NUP210L: variants seen among roughly 807,000 people sequenced by gnomAD.
NUP210L encodes nuclear pore membrane glycoprotein 210-like.
In NUP210L, 74 loss-of-function variants were observed where a neutral mutation model predicts 208.5. That is an observed-to-expected ratio of 0.35 (90% confidence interval 0.29 to 0.43). The LOEUF (loss-of-function observed/expected upper bound fraction) is 0.43, where lower values mean the gene tolerates loss of function less well. Among genes scored for constraint, NUP210L ranks in the 20% least tolerant of loss-of-function variants. The probability of loss-of-function intolerance (pLI) is 1.00; values close to 1 mark genes in which losing one functional copy is unlikely to be tolerated. For missense variants in NUP210L, 1,843 were observed against 2,289.4 expected (o/e 0.81, Z 3.98); for synonymous variants, 780 against 816.9 (o/e 0.95, Z 0.77).
intron 8 of NUP210L, among the ~76,000 whole-genome samples, chr1:154,128,852 A>C (rs980287823): frequency 1.3e-5 from 2 of 152,208 alleles, no homozygotes; most frequent in South Asian, 2.1e-4. Flanking sequence ...GTCTCAAACA[A>C]AAACAAAAAC....
intron 14 of NUP210L, among the ~76,000 whole-genome samples, chr1:154,098,435 A>G (rs915986282): frequency 6.6e-6 from 1 of 152,184 alleles, no homozygotes; most frequent in Non-Finnish European, 1.5e-5. Flanking sequence ...ATCCAGGAAG[A>G]ATAAGATATG....
At position 154,058,872 on chromosome 1, in the gene NUP210L, C is replaced by T. The variant is rs1654004175; in HGVS notation, c.2851-179G>A. Among the ~76,000 whole-genome samples, 5 of 152,186 alleles carry T rather than the reference C, an allele frequency of 3.3e-5. No homozygotes were observed. In the South Asian group the frequency reaches 1.0e-3, roughly 31 times the overall value. On this transcript the variant is annotated intron_variant, in intron 20 of 39. Transcript: ENST00000368559. ...AATATGTACACTTAATGTGATGTTT[C>T]CGATTATGGCAAAATCTGTACTTTA...
chr1:154,072,584 G>A (rs1654807629), intron 16 of NUP210L, among the ~76,000 whole-genome samples: 1 of 151,968 alleles, frequency 6.6e-6, no homozygotes, highest in Non-Finnish European at 1.5e-5. Context: ...CGCCCGCCTT[G>A]ACCTCCCAAA....
intron 12 of NUP210L, among the ~76,000 whole-genome samples, chr1:154,117,035 T>C (rs1657365644): frequency 6.6e-6 from 1 of 152,212 alleles, no homozygotes; most frequent in Non-Finnish European, 1.5e-5. Flanking sequence ...TAGAGCACTG[T>C]AACAAATGCT....
intron 23 of NUP210L, among the ~76,000 whole-genome samples, chr1:154,056,437 C>CAG (rs1385068682): frequency 1.3e-5 from 2 of 151,930 alleles, no homozygotes; most frequent in Non-Finnish European, 2.9e-5. Context: ...TTTCTTGAGA[C>CAG]AGGGTCTCTC....
intron 16 of NUP210L, among the ~76,000 whole-genome samples, chr1:154,073,594 C>A (rs565873356): frequency 6.6e-6 from 1 of 151,852 alleles, no homozygotes; most frequent in Non-Finnish European, 1.5e-5. Flanking sequence ...GCGAGCAGAT[C>A]ACTTGAGGTC....
intron 8 of NUP210L, 131 bp from the exon 9 acceptor site, chr1:154,127,548 A>T: frequency 5.6e-5 from 18 of 321,044 alleles, no homozygotes; most frequent in Non-Finnish European, 6.5e-5. Flanking sequence ...TTTCCAAAGT[A>T]GGTTCTTTTT....
At position 154,111,543 on chromosome 1, in the gene NUP210L, T is replaced by C. The variant is rs756465451; in HGVS notation, c.1620+6182A>G. Among the ~76,000 whole-genome samples the C allele has an allele frequency of 8.2e-4, 125 of 151,524 alleles. 4 individuals are homozygous for C. Among genetic ancestry groups the C allele is most frequent in the African/African-American group, 2.8e-3 (116 of 40,936 alleles). On this transcript the variant is annotated intron_variant, in intron 12 of 39. Transcript: ENST00000368559. ...AATAAATTGGAAAACCTACAAGAAA[T>C]GGATAAATTCCTAGACATATACAAC...
intron 25 of NUP210L, among the ~76,000 whole-genome samples, chr1:154,047,906 G>A (rs888060776): frequency 6.6e-6 from 1 of 152,066 alleles, no homozygotes; most frequent in African/African-American, 2.4e-5. Flanking sequence ...TTGGAGCGAC[G>A]GTTGGAGAAT....
At chr1:154,131,727 A>T (rs1658262877) in intron 7 of NUP210L, among the ~76,000 whole-genome samples, 1 of 152,170 alleles carries the variant, frequency 6.6e-6, no homozygotes. Flanking sequence ...CCTGTTGAAC[A>T]GTTTTCTCCT....
At chr1:154,118,488 G>C (rs1657445350) in intron 11 of NUP210L, among the ~76,000 whole-genome samples, 183 bp downstream of exon 11, 1 of 152,152 alleles carries the variant, frequency 6.6e-6, no homozygotes, top group South Asian at 2.1e-4. Flanking sequence ...GAGACAGAAA[G>C]CATCTGTAAC....
intron 35 of NUP210L, among the ~76,000 whole-genome samples, chr1:154,002,888 G>C (rs1650299679): frequency 6.6e-6 from 1 of 152,076 alleles, no homozygotes; most frequent in South Asian, 2.1e-4. Flanking sequence ...AAGGGTTTGT[G>C]AAAGACAGAC....
intron 33 of NUP210L, among the ~76,000 whole-genome samples, chr1:154,015,603 C>A (rs1224141614): frequency 6.6e-6 from 1 of 151,876 alleles, no homozygotes; most frequent in Non-Finnish European, 1.5e-5. Flanking sequence ...GCCTGTAATC[C>A]CAGCTACATG....
At chr1:154,096,800 G>A (rs1055287386) in intron 14 of NUP210L, among the ~76,000 whole-genome samples, 10 of 151,936 alleles carry the variant, frequency 6.6e-5, no homozygotes, top group African/African-American at 2.2e-4. Flanking sequence ...CAAGTTTTTG[G>A]CCAGGTGTGG....
At chr1:154,039,489 G>A (rs1169599719) in intron 27 of NUP210L, among the ~76,000 whole-genome samples, 2 of 151,984 alleles carry the variant, frequency 1.3e-5, no homozygotes, top group Non-Finnish European at 1.5e-5. Context: ...ACCTGCCTCG[G>A]CCTCCCAAAG....
chr1:154,020,176 T>A (rs1651474988), intron 32 of NUP210L, among the ~76,000 whole-genome samples: 1 of 152,168 alleles, frequency 6.6e-6, no homozygotes. Flanking sequence ...AGGTCCAACA[T>A]TTACATCACT....
intron 35 of NUP210L, among the ~76,000 whole-genome samples, chr1:154,003,551 G>A (rs993678879): frequency 4.0e-5 from 6 of 151,874 alleles, no homozygotes; most frequent in African/African-American, 9.7e-5. Context: ...TGCCCAGGCC[G>A]GACTGCAGTG....
At chr1:154,141,638 A>G (rs1274273659) in intron 3 of NUP210L, 114 bp from the exon 4 acceptor site, 1 of 651,150 alleles carries the variant, frequency 1.5e-6, no homozygotes, top group African/African-American at 1.8e-5. Context: ...CTCTTTCATT[A>G]AGAAATAGAA....
At chr1:154,130,846 A>G (rs908862623) in intron 7 of NUP210L, among the ~76,000 whole-genome samples, 1 of 151,848 alleles carries the variant, frequency 6.6e-6, no homozygotes, top group Admixed American at 6.6e-5. Context: ...CAGCCTCTCA[A>G]AGTGCTGGGG....
Sources: gnomAD v4.1 joint callset for allele counts (sites outside exome capture counted in the v4.1 genomes callset) on GRCh38, gnomAD v4.1.1 for gene constraint, MANE v1.5 for transcripts, NCBI Gene and HGNC (gene_info 2026-07-23, HGNC 2026-07-21) for gene names.